VPS53: variants seen among roughly 807,000 people sequenced by gnomAD.
VPS53 encodes VPS53 subunit of GARP complex, also known as vacuolar protein sorting-associated protein 53 homolog.
Under a neutral mutation model 107.0 loss-of-function variants are expected in VPS53, and 70 were observed. The observed-to-expected ratio is 0.65, with a 90% CI of 0.54 to 0.80. VPS53 has a LOEUF of 0.80. VPS53 is among the 30% of genes least tolerant of loss of function. The pLI is 0.00. For missense variants in VPS53, 917 were observed against 1,049.4 expected (o/e 0.87, Z 1.74); for synonymous variants, 409 against 393.3 (o/e 1.04, Z -0.47).
chr17:632,911 T>G, intron 7 of VPS53: 1 of 384,962 alleles, frequency 2.6e-6, no homozygotes, highest in Admixed American at 3.3e-5. Context: ...TTTTCTAAGG[T>G]AAAAACAAAA....
At chr17:641,365 T>C (rs1490717153) in intron 7 of VPS53, among the ~76,000 whole-genome samples, 1 of 152,234 alleles carries the variant, frequency 6.6e-6, no homozygotes, top group Non-Finnish European at 1.5e-5. Flanking sequence ...TTTGGCCTCA[T>C]TCCTTTAAAC....
chr17:608,524 A>C (rs1299062409), intron 11 of VPS53, among the ~76,000 whole-genome samples: 1 of 152,184 alleles, frequency 6.6e-6, no homozygotes, highest in Non-Finnish European at 1.5e-5. Context: ...AGGGATATAC[A>C]GTAGTTAAGA....
chr17:645,923 C>T (rs1271021548), intron 7 of VPS53, among the ~76,000 whole-genome samples: 1 of 133,436 alleles, frequency 7.5e-6, no homozygotes, highest in African/African-American at 2.6e-5. Context: ...ATTCATACCA[C>T]GGACTGGAGA....
chr17:545,203 C>T (rs748205906), intron 17 of VPS53, among the ~76,000 whole-genome samples: 6 of 152,184 alleles, frequency 3.9e-5, no homozygotes, highest in Admixed American at 6.5e-5. Flanking sequence ...ACCTGACTTT[C>T]ATCACATTTT....
chr17:583,802 TC>T (rs1967175389), intron 13 of VPS53, among the ~76,000 whole-genome samples: 1 of 143,138 alleles, frequency 7.0e-6, no homozygotes, highest in African/African-American at 2.6e-5. Flanking sequence ...CCTCAGGACC[TC>T]AATGCATTCC....
chr17:698,897 G>A (rs1017980379), intron 3 of VPS53, among the ~76,000 whole-genome samples: 4 of 152,196 alleles, frequency 2.6e-5, no homozygotes, highest in Admixed American at 6.5e-5. Flanking sequence ...GCCGGGTGCG[G>A]TGGCTCACCC....
chr17:595,221 T>A (rs1261111657), intron 12 of VPS53, among the ~76,000 whole-genome samples: 2 of 92,002 alleles, frequency 2.2e-5, no homozygotes, highest in African/African-American at 7.4e-5. Context: ...CTGGATCAAT[T>A]TCCTCGTTTG....
intron 4 of VPS53, among the ~76,000 whole-genome samples, chr17:668,766 G>A (rs2143676992): frequency 6.6e-6 from 1 of 152,256 alleles, no homozygotes; most frequent in Non-Finnish European, 1.5e-5. Context: ...AAGGGGCTAA[G>A]TTATACACTT....
At position 512,282 on chromosome 17, in the gene VPS53, C is replaced by A. The variant is rs1286945953; in HGVS notation, c.*6846G>T. On this transcript the variant is annotated 3_prime_UTR_variant, in exon 22 of 22. Transcript: ENST00000437048. ...CTTATGGCAGAGCAAGTGCATATAG[C>A]CCGGTCTTGTGTGACCTTCACAGCC... is the stretch of plus-strand genomic sequence containing the variant. 6.6e-6 allele frequency: 1 copy of A among 152,214 alleles called. No individual in the cohort carries two copies. The highest frequency in any genetic ancestry group is 1.9e-4 in the East Asian group (1 of 5,198). The allele number at this position is 152,214 out of a possible 1,614,324, so 9.4% of individuals were successfully genotyped here.
chr17:521,452 C>A (rs765301345), intron 20 of VPS53, 149 bp downstream of exon 20: 12 of 845,522 alleles, frequency 1.4e-5, no homozygotes, highest in Non-Finnish European at 2.0e-5. Flanking sequence ...TCAACAATAT[C>A]TGATGAGGCC....
intron 5 of VPS53, among the ~76,000 whole-genome samples, chr17:658,255 T>TACATCCCACTG (rs1567715525): frequency 4.4e-5 from 2 of 45,666 alleles, no homozygotes; most frequent in Non-Finnish European, 6.7e-5. Flanking sequence ...CGTGGATAGA[T>TACATCCCACTG]AACATCCCAC....
chr17:648,802 A>T lies in VPS53; in HGVS notation c.608+4489T>A, dbSNP rs202234863. Among the ~76,000 whole-genome samples, 7 of 136,282 alleles carry T rather than the reference A, an allele frequency of 5.1e-5. No individual in the cohort carries two copies. The East Asian group carries it at 1.3e-3, about 25-fold the overall frequency. 89.4% of individuals were successfully genotyped at this position (136,282 alleles called of 152,430 possible). A position where few individuals can be genotyped will look rare whatever the true frequency, so the allele number is the denominator to read the frequency against. The stretch of plus-strand genomic sequence containing the variant: ...CTTACACTGGAGGACAGAGGAATGG[A>T]ACAGGTAATGAAGATCTTACACTGG... On this transcript the variant is annotated intron_variant, in intron 7 of 21. Coordinates refer to ENST00000437048, the MANE Select transcript of VPS53 (RefSeq NM_001128159.3).
chr17:582,000 T>C (rs1967049034), intron 13 of VPS53, among the ~76,000 whole-genome samples: 1 of 150,960 alleles, frequency 6.6e-6, no homozygotes, highest in African/African-American at 2.4e-5. Flanking sequence ...CAGAACCTAA[T>C]GCGTTCCCAG....
chr17:554,681 G>A (rs1024506310), intron 15 of VPS53, among the ~76,000 whole-genome samples: 1 of 152,162 alleles, frequency 6.6e-6, no homozygotes, highest in South Asian at 2.1e-4. Flanking sequence ...GAGTAGCTGG[G>A]ACTACAGCTG....
At chr17:708,114 A>G (rs1973488548) in intron 2 of VPS53, among the ~76,000 whole-genome samples, 2 of 152,090 alleles carry the variant, frequency 1.3e-5, no homozygotes, top group Non-Finnish European at 2.9e-5. Context: ...GAGACGAGAG[A>G]TTGTAGAAAG....
At chr17:599,320 G>A (rs1191327185) in intron 12 of VPS53, among the ~76,000 whole-genome samples, 1 of 152,232 alleles carries the variant, frequency 6.6e-6, no homozygotes, top group East Asian at 1.9e-4. Flanking sequence ...GTGGGGAAAG[G>A]TGGGGAAAAG....
rs183477023 is a variant in VPS53, at chr17:630,008, G to T, written c.687+1542C>A. On this transcript the variant is annotated intron_variant, in intron 8 of 21. Coordinates refer to ENST00000437048, the MANE Select transcript of VPS53 (RefSeq NM_001128159.3). ...TCCTGAAACTTCTAGAAACTGAAATGAGTGGCTGGGCATGGTGGCTCATGC... is the reference window on the plus strand; with the variant it reads ...TCCTGAAACTTCTAGAAACTGAAATTAGTGGCTGGGCATGGTGGCTCATGC... Among the ~76,000 whole-genome samples, 14 of 151,622 alleles carry T rather than the reference G, an allele frequency of 9.2e-5. No individual in the cohort carries two copies. The East Asian group carries it at 2.8e-3, about 30-fold the overall frequency.
intron 11 of VPS53, 74 bp from the exon 12 acceptor site, chr17:601,970 C>G: frequency 8.8e-7 from 1 of 1,130,938 alleles, no homozygotes; most frequent in Admixed American, 2.7e-5. Context: ...TCTGCTTTTT[C>G]TAGGTGTCTC....
chr17:525,792 A>G (rs6598825), intron 19 of VPS53, among the ~76,000 whole-genome samples: 93,484 of 151,066 alleles, frequency 0.62, 31,578 homozygotes, highest in African/African-American at 0.88. Context: ...AAGGTCAGGA[A>G]TTTGAGACCA....
Sources: gnomAD v4.1 joint callset for allele counts (sites outside exome capture counted in the v4.1 genomes callset) on GRCh38, gnomAD v4.1.1 for gene constraint, MANE v1.5 for transcripts, NCBI Gene and HGNC (gene_info 2026-07-23, HGNC 2026-07-21) for gene names.